Variants in DESI2 observed in about 807,000 individuals in gnomAD.
The protein encoded by DESI2 is deubiquitinase DESI2.
A neutral mutation model predicts 24.1 loss-of-function variants in DESI2; 10 were observed. That is an observed-to-expected ratio of 0.41 (90% CI 0.26 to 0.70). DESI2 has a LOEUF of 0.70. Among genes scored for constraint, DESI2 ranks in the 30% least tolerant of loss-of-function variants. The probability of loss-of-function intolerance (pLI) is 0.29; values close to 1 mark genes in which losing one functional copy is unlikely to be tolerated. For synonymous variants in DESI2, 71 were observed against 87.7 expected (o/e 0.81, Z 1.06); for missense variants, 122 against 234.9 (o/e 0.52, Z 3.14).
chr1:244,688,559 C>T (rs1220447235), intron 2 of DESI2, among the ~76,000 whole-genome samples: 2 of 152,148 alleles, frequency 1.3e-5, no homozygotes, highest in Non-Finnish European at 2.9e-5. Flanking sequence ...AGTGAAATAA[C>T]AGAAAATTAC....
At position 244,667,323 on chromosome 1, in the gene DESI2, A is replaced by G. The variant is rs560750081; in HGVS notation, c.42+13968A>G. 7.9e-5 allele frequency among the ~76,000 whole-genome samples: 12 copies of G among 152,262 alleles called. No individual in the cohort carries two copies. In the South Asian group the frequency reaches 1.9e-3, roughly 24 times the overall value. On this transcript the variant is annotated intron_variant, in intron 1 of 4. Transcript: ENST00000302550. ...TATTGGATAAATACAGCCATTCCAA[A>G]TGGGAGAAATTGGCCAAAACAGAGG...
chr1:244,703,803 T>C (rs532913640), intron 4 of DESI2, among the ~76,000 whole-genome samples: 375 of 151,950 alleles, frequency 2.5e-3, no homozygotes, highest in African/African-American at 8.0e-3. Flanking sequence ...GGACTACAGG[T>C]GCCCGCCACC....
chr1:244,663,975 G>A (rs1359756593), intron 1 of DESI2, among the ~76,000 whole-genome samples: 6 of 139,488 alleles, frequency 4.3e-5, no homozygotes, highest in South Asian at 2.3e-4. Context: ...CCGAGATTGC[G>A]CCACTGCACG....
chr1:244,692,821 A>G (rs1205684499), intron 4 of DESI2, among the ~76,000 whole-genome samples: 2 of 152,228 alleles, frequency 1.3e-5, no homozygotes, highest in Admixed American at 6.5e-5. Flanking sequence ...CAGCAGCATC[A>G]GCATCTCCTA....
At chr1:244,658,114 A>G (rs905241142) in intron 1 of DESI2, among the ~76,000 whole-genome samples, 2 of 152,168 alleles carry the variant, frequency 1.3e-5, no homozygotes, top group African/African-American at 2.4e-5. Flanking sequence ...CCTCATCTCT[A>G]TTCATATAAT....
Position 244,653,155 on chromosome 1 carries a change from G to C in DESI2, c.-159G>C, listed in dbSNP as rs1675514896. ...GCTCCTGTCGGCGGCGCCCGGGAGC[G>C]GCTCGGCTGCCCGATGCTTCCGCCC... On this transcript the variant is annotated 5_prime_UTR_variant, in exon 1 of 5. Coordinates refer to ENST00000302550, the MANE Select transcript of DESI2 (RefSeq NM_016076.5). 4.6e-6 allele frequency: 3 copies of C among 656,486 alleles called. No individual in the cohort carries two copies. Among genetic ancestry groups the C allele is most frequent in the South Asian group, 5.3e-5 (1 of 19,016 alleles). 40.7% of individuals were successfully genotyped at this position (656,486 alleles called of 1,614,324 possible).
In DESI2 at chr1:244,660,712, T is replaced by A. The variant is rs940705693; in HGVS notation, c.42+7357T>A. Among the ~76,000 whole-genome samples, 5 of 152,350 alleles carry A rather than the reference T, an allele frequency of 3.3e-5. No homozygotes were observed. In the East Asian group the frequency reaches 5.8e-4, roughly 18 times the overall value. On this transcript the variant is annotated intron_variant, in intron 1 of 4. Transcript: ENST00000302550. Reference sequence around the variant, plus strand: ...TATCTGGAATGTATTTTGGTATAGATGTGACAGTAACTTAAAAACAATAAA... The same window carrying A: ...TATCTGGAATGTATTTTGGTATAGAAGTGACAGTAACTTAAAAACAATAAA...
rs1676873555 is a variant in DESI2 at position 244,687,782 on chromosome 1, G to A, written c.115+1113G>A. 1.3e-5 allele frequency among the ~76,000 whole-genome samples: 2 copies of A among 152,200 alleles called. 1 individual carries two copies. The highest frequency in any genetic ancestry group is 6.3e-3 in the Middle Eastern group (2 of 316). On this transcript the variant is annotated intron_variant, in intron 2 of 4. Coordinates refer to ENST00000302550, the MANE Select transcript of DESI2 (RefSeq NM_016076.5). ...GGCTCTTGCTGGAAGTTTCATGCTT[G>A]GGAGTATTGCTGTGGGTGGGATCAT...
In DESI2 at chr1:244,705,822, C is replaced by G. The variant is rs1348442628; in HGVS notation, c.*33C>G. On this transcript the variant is annotated 3_prime_UTR_variant, in exon 5 of 5. Coordinates refer to ENST00000302550, the MANE Select transcript of DESI2 (RefSeq NM_016076.5). ...CAAAGTCACACATTCAGAACTGTCT[C>G]TGGCAGTCGAATATCACTAGAGAAA... The G allele has an allele frequency of 6.7e-7, 1 of 1,489,984 alleles. No individual in the cohort carries two copies. Among genetic ancestry groups the G allele is most frequent in the South Asian group, 1.1e-5 (1 of 87,544 alleles). The allele number at this position is 1,489,984 out of a possible 1,614,324, so 92.3% of individuals were successfully genotyped here.
intron 4 of DESI2, among the ~76,000 whole-genome samples, chr1:244,697,204 A>G (rs1037623306): frequency 1.4e-4 from 21 of 152,138 alleles, no homozygotes; most frequent in Admixed American, 1.2e-3. Context: ...CCTTTGACTC[A>G]CAGAAATATA....
intron 1 of DESI2, among the ~76,000 whole-genome samples, chr1:244,656,027 T>C (rs1316217830): frequency 6.6e-6 from 1 of 152,172 alleles, no homozygotes; most frequent in Non-Finnish European, 1.5e-5. Flanking sequence ...TCAGTTTTGG[T>C]TTTTGAAATA....
rs145265528 is a variant in DESI2 at position 244,679,006 on chromosome 1, G to A, written c.43-7591G>A. Among the ~76,000 whole-genome samples, 302 of 152,194 alleles carry A rather than the reference G, an allele frequency of 2.0e-3. 1 individual carries two copies. The highest frequency in any genetic ancestry group is 6.5e-3 in the African/African-American group (271 of 41,534). ...TAACAAAATTTTTATGTGAACTGGC[G>A]TGATACCTTGCAGTATTTTCCACTC... On this transcript the variant is annotated intron_variant, in intron 1 of 4. Transcript: ENST00000302550.
intron 1 of DESI2, among the ~76,000 whole-genome samples, chr1:244,660,966 C>T (rs1482378219): frequency 6.6e-6 from 1 of 152,048 alleles, no homozygotes; most frequent in Non-Finnish European, 1.5e-5. Context: ...ATTTCCTTTT[C>T]TAGGAGTACT....
chr1:244,694,378 A>AT, intron 4 of DESI2: 6 of 634,962 alleles, frequency 9.4e-6, no homozygotes, highest in African/African-American at 5.5e-5. Flanking sequence ...GTATTCATAA[A>AT]ATTTTTTTTT....
Position 244,689,351 on chromosome 1 carries a change from G to T in DESI2, c.209+9G>T. On this transcript the variant is annotated intron_variant, in intron 3 of 4. Coordinates refer to ENST00000302550, the MANE Select transcript of DESI2 (RefSeq NM_016076.5). The surrounding 1 kb of genome is among the most constrained non-coding windows in gnomAD (Gnocchi z 4.0). ...GAAACATTTAAATTTAAGTAAGTAG[G>T]GAGGATAATTTTTATTACACTGTCT... 1 of 1,336,132 alleles carries T rather than the reference G, an allele frequency of 7.5e-7. No homozygotes were observed. The highest frequency in any genetic ancestry group is 2.3e-5 in the East Asian group (1 of 43,540). The allele number at this position is 1,336,132 out of a possible 1,614,324, so 82.8% of individuals were successfully genotyped here.
intron 1 of DESI2, among the ~76,000 whole-genome samples, chr1:244,681,301 G>A (rs2806613): frequency 0.98 from 149,122 of 152,236 alleles, 73,110 homozygotes; most frequent in East Asian, 1. Context: ...TTCCCGTTAC[G>A]ATCCAGTACC....
At position 244,660,560 on chromosome 1, in the gene DESI2, G is replaced by A. The variant is rs140675832; in HGVS notation, c.42+7205G>A. 2.5e-3 allele frequency among the ~76,000 whole-genome samples: 376 copies of A among 152,314 alleles called. 2 individuals are homozygous for A. Among genetic ancestry groups the A allele is most frequent in the African/African-American group, 8.7e-3 (360 of 41,570 alleles). On this transcript the variant is annotated intron_variant, in intron 1 of 4. Coordinates refer to ENST00000302550, the MANE Select transcript of DESI2 (RefSeq NM_016076.5). ...TTGAATTCCAAAGCAACATTATTGT[G>A]TAAATGTCAGCCAGTTGGTTCATAA...
At chr1:244,683,286 G>A (rs999287152) in intron 1 of DESI2, among the ~76,000 whole-genome samples, 5 of 152,070 alleles carry the variant, frequency 3.3e-5, no homozygotes, top group African/African-American at 1.2e-4. Context: ...AGAAGGTTCA[G>A]GAGTCTAAGT....
chr1:244,692,339 T>C (rs1677057540), intron 4 of DESI2, among the ~76,000 whole-genome samples: 2 of 152,282 alleles, frequency 1.3e-5, no homozygotes, highest in South Asian at 4.1e-4. Context: ...CTTCTGCTTC[T>C]TAGCCACTAA....
Sources: allele counts gnomAD v4.1 joint callset (sites outside exome capture counted in the v4.1 genomes callset), GRCh38; gene constraint gnomAD v4.1.1; non-coding constraint Gnocchi (gnomAD v3.1); transcripts MANE v1.5; gene names NCBI Gene and HGNC (gene_info 2026-07-23, HGNC 2026-07-21).